The following PRTFDC1 variants were observed in gnomAD, a reference collection of about 807,000 sequenced individuals.
PRTFDC1 encodes the protein phosphoribosyltransferase domain-containing protein 1.
A neutral mutation model predicts 34.6 loss-of-function variants in PRTFDC1; 38 were observed. The observed-to-expected ratio is 1.10, with a 90% confidence interval of 0.85 to 1.44. The LOEUF is 1.44. Ranked by LOEUF, PRTFDC1 falls within the 40% of genes most tolerant of loss-of-function variation. The probability of loss-of-function intolerance (pLI) is 0.00; values close to 1 mark genes in which losing one functional copy is unlikely to be tolerated. For missense variants in PRTFDC1, 270 were observed against 283.0 expected, an observed-to-expected ratio of 0.95 and a Z score of 0.33; for synonymous variants, 93 against 98.1, an observed-to-expected ratio of 0.95 and a Z score of 0.31.
At chr10:24,901,668 G>C (rs773087180) in intron 3 of PRTFDC1, among the ~76,000 whole-genome samples, 1 of 152,176 alleles carries the variant, frequency 6.6e-6, no homozygotes, top group Non-Finnish European at 1.5e-5. Context: ...GGAGGAGGCT[G>C]CAGTGAGCTG....
intron 3 of PRTFDC1, among the ~76,000 whole-genome samples, chr10:24,934,479 C>T (rs920531520): frequency 2.1e-4 from 32 of 152,280 alleles, no homozygotes; most frequent in African/African-American, 7.7e-4. Context: ...TAGAATAGAC[C>T]CCTTAGGTCT....
At chr10:24,935,313 A>G (rs1235129396) in intron 3 of PRTFDC1, among the ~76,000 whole-genome samples, 1 of 152,218 alleles carries the variant, frequency 6.6e-6, no homozygotes, top group Non-Finnish European at 1.5e-5. Flanking sequence ...GAAATCTGGT[A>G]TGAAGGAAGC....
At chr10:24,926,061 C>T (rs1460094731) in intron 3 of PRTFDC1, among the ~76,000 whole-genome samples, 4 of 152,134 alleles carry the variant, frequency 2.6e-5, no homozygotes, top group Admixed American at 2.0e-4. Context: ...CCTGCCAGTC[C>T]ACCTCCTAGG....
chr10:24,933,526 T>G (rs988442222), intron 3 of PRTFDC1, among the ~76,000 whole-genome samples: 2 of 152,008 alleles, frequency 1.3e-5, no homozygotes, highest in Non-Finnish European at 2.9e-5. Flanking sequence ...GAAATGCAAA[T>G]TAAACCACAA....
intron 3 of PRTFDC1, among the ~76,000 whole-genome samples, chr10:24,892,380 T>G (rs1207665809): frequency 6.6e-6 from 1 of 152,196 alleles, no homozygotes; most frequent in African/African-American, 2.4e-5. Flanking sequence ...AGGGTCTCCC[T>G]TCTCTCCATC....
chr10:24,885,798 G>A (rs1588591669), intron 3 of PRTFDC1, among the ~76,000 whole-genome samples: 2 of 152,286 alleles, frequency 1.3e-5, no homozygotes, highest in Middle Eastern at 6.8e-3. Context: ...TCTATGCAAC[G>A]TATTACTATT....
chr10:24,925,220 C>T (rs1848851677), intron 3 of PRTFDC1, among the ~76,000 whole-genome samples: 1 of 152,074 alleles, frequency 6.6e-6, no homozygotes, highest in Non-Finnish European at 1.5e-5. Context: ...ATCACAAGGA[C>T]AGAAAACCAA....
rs7075977 is a variant in PRTFDC1 at position 24,858,158 on chromosome 10, T to A, written c.423+234A>T. Reference sequence around the variant, plus strand: ...GTATAAGAATCAACACAGAGATATGTGGAACTGGATACACAAAAAGGATAA... The same window carrying A: ...GTATAAGAATCAACACAGAGATATGAGGAACTGGATACACAAAAAGGATAA... On this transcript the variant is annotated intron_variant, in intron 5 of 8. Transcript: ENST00000320152. 4.1e-3 allele frequency among the ~76,000 whole-genome samples: 624 copies of A among 152,296 alleles called. 6 individuals carry two copies. Among genetic ancestry groups the A allele is most frequent in the African/African-American group, 0.014 (597 of 41,550 alleles).
chr10:24,940,790 C>T lies in PRTFDC1; in HGVS notation c.155+1540G>A, dbSNP rs1159725268. Among the ~76,000 whole-genome samples, 3 of 152,142 alleles carry T rather than the reference C, an allele frequency of 2.0e-5. No homozygotes were observed. The East Asian group carries it at 5.8e-4, about 29-fold the overall frequency. ...GCCAAAAATGGGACATCCAAATGTA[C>T]ATCAACTGGTCAATCAATAATTAGC... On this transcript the variant is annotated intron_variant, in intron 2 of 8. Transcript: ENST00000320152.
chr10:24,932,835 A>G (rs775058311), intron 3 of PRTFDC1, among the ~76,000 whole-genome samples: 40 of 152,262 alleles, frequency 2.6e-4, no homozygotes, highest in Admixed American at 3.3e-4. Flanking sequence ...GCAGTGTGAA[A>G]AAGAACAAAG....
chr10:24,882,215 AAAAAG>A (rs1555046942), intron 3 of PRTFDC1, among the ~76,000 whole-genome samples: 1 of 147,134 alleles, frequency 6.8e-6, no homozygotes. Context: ...AAAAAAAAAA[AAAAAG>A]AAAAGAAAAG....
At chr10:24,888,551 G>A (rs1046789653) in intron 3 of PRTFDC1, among the ~76,000 whole-genome samples, 2 of 152,168 alleles carry the variant, frequency 1.3e-5, no homozygotes, top group Non-Finnish European at 2.9e-5. Context: ...GAGTGTCTTA[G>A]CTTTTATTCC....
intron 3 of PRTFDC1, among the ~76,000 whole-genome samples, chr10:24,895,188 T>C (rs1183692684): frequency 2.6e-5 from 4 of 151,256 alleles, no homozygotes; most frequent in Non-Finnish European, 4.4e-5. Context: ...GAAAGCTATA[T>C]CCTGCAAAAC....
At chr10:24,931,922 A>AC (rs1224881427) in intron 3 of PRTFDC1, among the ~76,000 whole-genome samples, 2 of 151,386 alleles carry the variant, frequency 1.3e-5, no homozygotes, top group Non-Finnish European at 3.0e-5. Flanking sequence ...AGAAAAAAAA[A>AC]AAACAAAAAA....
At chr10:24,909,403 C>G (rs974500612) in intron 3 of PRTFDC1, among the ~76,000 whole-genome samples, 1 of 151,984 alleles carries the variant, frequency 6.6e-6, no homozygotes, top group African/African-American at 2.4e-5. Context: ...TCTCATGGTC[C>G]AGCTTTCATT....
intron 1 of PRTFDC1, among the ~76,000 whole-genome samples, chr10:24,944,455 G>GC (rs1353144989): frequency 2.0e-5 from 3 of 152,164 alleles, no homozygotes; most frequent in East Asian, 3.9e-4. Flanking sequence ...CCACTTTGCA[G>GC]CCCCTCCACA....
chr10:24,876,069 T>C (rs1318454270), intron 3 of PRTFDC1, among the ~76,000 whole-genome samples: 1 of 152,076 alleles, frequency 6.6e-6, no homozygotes, highest in Non-Finnish European at 1.5e-5. Flanking sequence ...GCAAGTCTAC[T>C]TTTTGTTCTT....
intron 3 of PRTFDC1, among the ~76,000 whole-genome samples, chr10:24,886,697 G>A (rs1433746224): frequency 6.6e-6 from 1 of 152,210 alleles, no homozygotes; most frequent in Non-Finnish European, 1.5e-5. Flanking sequence ...CTGCAGCTTC[G>A]AATTCCTGGG....
At chr10:24,932,522 T>C (rs562439768) in intron 3 of PRTFDC1, among the ~76,000 whole-genome samples, 1 of 152,014 alleles carries the variant, frequency 6.6e-6, no homozygotes, top group South Asian at 2.1e-4. Context: ...GAATTTGAAA[T>C]TCAAAGAAAA....
Sources: allele counts gnomAD v4.1 joint callset (sites outside exome capture counted in the v4.1 genomes callset), GRCh38; gene constraint gnomAD v4.1.1; transcripts MANE v1.5; gene names NCBI Gene and HGNC (gene_info 2026-07-23, HGNC 2026-07-21).